Variants in TRIM49C observed in about 807,000 individuals in gnomAD.
TRIM49C encodes the protein tripartite motif containing 49C.
In TRIM49C, 6 loss-of-function variants were observed where a neutral mutation model predicts 21.4. That is an observed-to-expected ratio of 0.28 (90% CI 0.15 to 0.55). The LOEUF is 0.55. TRIM49C is among the 20% of genes least tolerant of loss of function. The pLI, the probability that TRIM49C is intolerant of heterozygous loss-of-function variation, is 0.94. For missense variants in TRIM49C, 161 were observed against 442.4 expected (o/e 0.36, Z 5.71); for synonymous variants, 57 against 148.1 (o/e 0.38, Z 4.47).
At chr11:90,042,178 A>G (rs904383566), downstream of TRIM49C, among the ~76,000 whole-genome samples, 5 of 145,634 alleles carry the variant, frequency 3.4e-5, no homozygotes, top group Non-Finnish European at 7.5e-5. Flanking sequence ...GTAACTAAAT[A>G]TTGACTCCTA....
the TRIM49C span, among the ~76,000 whole-genome samples, chr11:90,056,113 C>T: frequency 1.5e-5 from 2 of 135,620 alleles, no homozygotes; most frequent in Admixed American, 8.2e-5. Context: ...CGCCCGCCAC[C>T]GCGCCCGGCT....
Position 90,041,289 on chromosome 11 carries a change from T to A in TRIM49C, c.1098T>A (p.Asn366Lys), listed in dbSNP as rs199621970. 1,288 of 1,588,974 alleles carry A rather than the reference T, an allele frequency of 8.1e-4. 141 individuals are homozygous for A. Among genetic ancestry groups the A allele is most frequent in the Non-Finnish European group, 8.9e-4 (1,034 of 1,164,590 alleles). ...GVCNMYRKEK[N>K]QNEKIDGKEG... ...GTAATATGTATCGGAAGGAGAAGAA[T>A]CAGAATGAGAAGATAGATGGAAAGG... Residue 366 changes from asparagine to lysine, a missense_variant, in exon 8 of 8, where the codon AAT becomes AAA. Around this residue, in one of 3 missense-constraint regions of TRIM49C, gnomAD observed 63 missense variants for 67.6 expected, o/e 0.93. Transcript: ENST00000448984.
chr11:90,056,103 C>G, the TRIM49C span, among the ~76,000 whole-genome samples: 1 of 135,332 alleles, frequency 7.4e-6, no homozygotes, highest in African/African-American at 2.6e-5. Flanking sequence ...GGACTACAGG[C>G]GCCCGCCACC....
the TRIM49C span, among the ~76,000 whole-genome samples, chr11:90,064,332 A>G: frequency 2.0e-5 from 3 of 151,542 alleles, no homozygotes; most frequent in Non-Finnish European, 1.5e-5. Context: ...GAAATAGCCA[A>G]TATTTCAACT....
intron 7 of TRIM49C, 24 bp from the exon 8 acceptor site, chr11:90,041,027 T>C: frequency 1.3e-5 from 19 of 1,461,960 alleles, no homozygotes; most frequent in Non-Finnish European, 1.7e-5. Context: ...TATGCATGTT[T>C]TCTTTTTTTT....
At chr11:90,070,382 C>T in the TRIM49C span, among the ~76,000 whole-genome samples, 3 of 126,744 alleles carry the variant, frequency 2.4e-5, no homozygotes, top group Non-Finnish European at 4.9e-5. Flanking sequence ...GGGACCTTTG[C>T]TCTATCTCTC....
At chr11:90,062,200 A>G in the TRIM49C span, 3 of 446,488 alleles carry the variant, frequency 6.7e-6, no homozygotes, top group Admixed American at 1.4e-4. Flanking sequence ...AACGAATATG[A>G]TTCTAATAAT....
chr11:90,054,999 T>C, the TRIM49C span, among the ~76,000 whole-genome samples: 1 of 149,614 alleles, frequency 6.7e-6, no homozygotes, highest in African/African-American at 2.5e-5. Context: ...AGTTCTAGCA[T>C]CAACAGAAAA....
chr11:90,067,165 TTA>T, the TRIM49C span, among the ~76,000 whole-genome samples: 1 of 139,340 alleles, frequency 7.2e-6, no homozygotes, highest in Non-Finnish European at 1.6e-5. Context: ...TATATAGCTA[TTA>T]CTTTCAAAAA....
At chr11:90,071,446 G>C in the TRIM49C span, among the ~76,000 whole-genome samples, 2 of 141,944 alleles carry the variant, frequency 1.4e-5, no homozygotes, top group Admixed American at 7.8e-5. Context: ...CCTCTTTTTA[G>C]GATTCAGAAT....
At chr11:90,055,956 C>CTTT in the TRIM49C span, among the ~76,000 whole-genome samples, 18 of 97,838 alleles carry the variant, frequency 1.8e-4, no homozygotes, top group East Asian at 3.2e-4. Flanking sequence ...CATCTGGATT[C>CTTT]TTTTTTTTTT....
At chr11:90,033,718 C>A (rs1185919462) in intron 2 of TRIM49C, among the ~76,000 whole-genome samples, 1 of 134,266 alleles carries the variant, frequency 7.4e-6, no homozygotes, top group African/African-American at 2.7e-5. Context: ...CCAAGGCAGG[C>A]AGATCACTTG....
chr11:90,073,079 G>A, the TRIM49C span: 1 of 665,384 alleles, frequency 1.5e-6, no homozygotes. Context: ...GCTGGATGTG[G>A]ACAACTCTTG....
At position 90,035,590 on chromosome 11, in the gene TRIM49C, CGTCCCATTGAGT is replaced by C; in HGVS notation, c.381_392del (p.Pro128_Trp131del). ...TCAGGAGCACCGGTATCACAGACAC[CGTCCCATTGAGT>C]GGGCTGCTGAGGAACACCGGGTAAG... On this transcript the variant is annotated inframe_deletion, in exon 3 of 8. Coordinates refer to ENST00000448984, the MANE Select transcript of TRIM49C (RefSeq NM_001195234.1). 7.0e-7 allele frequency: 1 copy of C among 1,436,074 alleles called. No homozygotes were observed. Among genetic ancestry groups the C allele is most frequent in the East Asian group, 2.5e-5 (1 of 40,700 alleles). 89.0% of individuals were successfully genotyped at this position (1,436,074 alleles called of 1,614,324 possible). A position where few individuals can be genotyped will look rare whatever the true frequency, so the allele number is the denominator to read the frequency against.
rs573065990 is a variant in TRIM49C, at chr11:90,041,358, C to T, written c.1167C>T (p.Cys389=). 8.6e-4 allele frequency: 1,369 copies of T among 1,589,414 alleles called. 73 individuals carry two copies. The African/African-American group carries it at 0.017, about 19-fold the overall frequency. The change falls in exon 8 of 8, where the codon TGC becomes TGT. Residue 389 remains cysteine (C), a synonymous_variant. Coordinates refer to ENST00000448984, the MANE Select transcript of TRIM49C (RefSeq NM_001195234.1). ...LLGCIKNDIQ[C]SLFTTSPLML... is the part of the protein sequence containing the mutation. ...GGTGTATTAAGAATGACATTCAATG[C>T]AGTCTCTTTACCACCTCCCCACTTA...
the TRIM49C span, chr11:90,071,659 A>G: frequency 2.8e-6 from 3 of 1,083,140 alleles, 1 homozygote; most frequent in Non-Finnish European, 4.0e-6. Context: ...AAACACAGAC[A>G]TCAGAAACTT....
the TRIM49C span, among the ~76,000 whole-genome samples, chr11:90,065,942 C>T: frequency 2.2e-4 from 29 of 132,500 alleles, 2 homozygotes; most frequent in East Asian, 4.8e-4. Context: ...GGTGACAGAG[C>T]GAGACTCTGT....
Position 90,041,385 on chromosome 11 carries a change from G to A in TRIM49C, c.1194G>A (p.Met398Ile), listed in dbSNP as rs1394863026. The change falls in exon 8 of 8, where the codon ATG (methionine) becomes ATA (isoleucine). Residue 398 changes from methionine to isoleucine, a missense_variant. By Grantham distance (10) the Met-to-Ile change is conservative. Coordinates refer to ENST00000448984, the MANE Select transcript of TRIM49C (RefSeq NM_001195234.1). Reference protein sequence around the residue: ...QCSLFTTSPLMLQYIPKPTSR... With the variant: ...QCSLFTTSPLILQYIPKPTSR... ...GTCTCTTTACCACCTCCCCACTTAT[G>A]CTGCAATATATCCCAAAACCTACCA... is the stretch of plus-strand genomic sequence containing the variant. 1 of 1,587,258 alleles carries A rather than the reference G, an allele frequency of 6.3e-7. No individual in the cohort carries two copies. The highest frequency in any genetic ancestry group is 8.6e-7 in the Non-Finnish European group (1 of 1,163,922).
At chr11:90,056,213 G>A in the TRIM49C span, among the ~76,000 whole-genome samples, 1 of 137,834 alleles carries the variant, frequency 7.3e-6, no homozygotes, top group Admixed American at 8.0e-5. Flanking sequence ...GCCCGCCTCG[G>A]CCTCCCAAAG....
Sources: gnomAD v4.1 joint callset for allele counts (sites outside exome capture counted in the v4.1 genomes callset) on GRCh38, gnomAD v4.1.1 for gene constraint, gnomAD v4.1.1 regional missense constraint, MANE v1.5 for transcripts, NCBI Gene and HGNC (gene_info 2026-07-23, HGNC 2026-07-21) for gene names.